NDST2: variants seen among roughly 807,000 people sequenced by gnomAD.
The protein encoded by NDST2 is N-deacetylase and N-sulfotransferase 2.
Under a neutral mutation model 86.9 loss-of-function variants are expected in NDST2, and 32 were observed. The ratio of observed to expected loss-of-function variants is 0.37; its 90% CI spans 0.28 to 0.49. The LOEUF (loss-of-function observed/expected upper bound fraction) is 0.49, where lower values mean the gene tolerates loss of function less well. Among genes scored for constraint, NDST2 ranks in the 20% least tolerant of loss-of-function variants. The probability of loss-of-function intolerance (pLI) is 0.97; values close to 1 mark genes in which losing one functional copy is unlikely to be tolerated. For synonymous variants in NDST2, 409 were observed against 437.0 expected (o/e 0.94, Z 0.80); for missense variants, 950 against 1,146.9 (o/e 0.83, Z 2.48).
intron 1 of NDST2, 86 bp from the exon 2 acceptor site, chr10:73,810,989 C>G (rs937315413): frequency 2.1e-5 from 8 of 389,992 alleles, no homozygotes; most frequent in African/African-American, 1.7e-4. Context: ...CAGGGCTGGG[C>G]GGGGTGGGTG....
intron 3 of NDST2, 63 bp downstream of exon 3, chr10:73,807,321 G>A (rs2084120641): frequency 1.3e-6 from 2 of 1,588,762 alleles, no homozygotes; most frequent in Non-Finnish European, 8.6e-7. Context: ...AATCAAGGAA[G>A]GGAGTCTGAC....
In NDST2 at chr10:73,802,527, G is replaced by C. The variant is rs759577370; in HGVS notation, c.2576C>G (p.Ser859Trp). 2.5e-6 allele frequency: 4 copies of C among 1,614,090 alleles called. No individual in the cohort carries two copies. The highest frequency in any genetic ancestry group is 3.4e-6 in the Non-Finnish European group (4 of 1,180,036). ...DFFRNHNLEL[S>W]KLLSRLGQPV... ...CTGTCCAAGCCGGCTCAGCAGCTTCGACAACTCCAAATTATGGTTCCGGAA... is the reference window on the plus strand; with the variant it reads ...CTGTCCAAGCCGGCTCAGCAGCTTCCACAACTCCAAATTATGGTTCCGGAA... Residue 859 changes from serine to tryptophan, a missense_variant, in exon 15 of 15, where the codon TCG becomes TGG. Transcript: ENST00000309979.
At chr10:73,802,844 G>A in intron 13 of NDST2, 68 bp from the exon 14 acceptor site, 3 of 1,508,468 alleles carry the variant, frequency 2.0e-6, no homozygotes, top group Non-Finnish European at 2.8e-6. Context: ...AATGCACAAT[G>A]CCCTTCCCTG....
rs1407153082 is a variant in NDST2 at position 73,808,454 on chromosome 10, G to A, written c.-66C>T. ...GGGGATGGGAGGTAGGAGTTCTATA[G>A]GCTAGGACTGTCTTGGAAGGGTAGA... On this transcript the variant is annotated 5_prime_UTR_variant, in exon 3 of 15. Transcript: ENST00000309979. This position sits in a 1 kb window ranked among gnomAD's most constrained non-coding sequence, Gnocchi z 4.3. 1.4e-6 allele frequency: 2 copies of A among 1,430,026 alleles called. No individual in the cohort carries two copies. Among genetic ancestry groups the A allele is most frequent in the East Asian group, 4.9e-5 (2 of 40,582 alleles). 88.6% of individuals were successfully genotyped at this position (1,430,026 alleles called of 1,614,324 possible). A position where few individuals can be genotyped will look rare whatever the true frequency, so the allele number is the denominator to read the frequency against.
intron 2 of NDST2, 75 bp downstream of exon 2, chr10:73,810,723 GC>G: frequency 2.5e-6 from 1 of 397,820 alleles, no homozygotes; most frequent in Non-Finnish European, 4.4e-6. Context: ...CTTCACACCA[GC>G]CCTAAGAGGT....
rs764806504 is a variant in NDST2 at position 73,802,463 on chromosome 10, G to A, written c.2640C>T (p.Ser880=). Reference sequence around the variant, plus strand: ...GGAGGCTGGGACATCAGCCCAGACTGGAATGCTGCAGTTCTTCCCGAAGCC... The same window carrying A: ...GGAGGCTGGGACATCAGCCCAGACTAGAATGCTGCAGTTCTTCCCGAAGCC... ...PSWLREELQH[S]SLG Residue 880 remains serine, a synonymous_variant, in exon 15 of 15, where the codon TCC becomes TCT. Coordinates refer to ENST00000309979, the MANE Select transcript of NDST2 (RefSeq NM_003635.4). 9.3e-6 allele frequency: 15 copies of A among 1,613,032 alleles called. No homozygotes were observed. The highest frequency in any genetic ancestry group is 1.3e-5 in the Non-Finnish European group (15 of 1,180,030).
chr10:73,806,525 A>G lies in NDST2; in HGVS notation c.1249-51T>C. 2 of 1,548,712 alleles carry G rather than the reference A, an allele frequency of 1.3e-6. No individual in the cohort carries two copies. Among genetic ancestry groups the G allele is most frequent in the Middle Eastern group, 1.7e-4 (1 of 5,744 alleles). On this transcript the variant is annotated intron_variant, in intron 5 of 14. Coordinates refer to ENST00000309979, the MANE Select transcript of NDST2 (RefSeq NM_003635.4). The surrounding 1 kb of genome is among the most constrained non-coding windows in gnomAD (Gnocchi z 4.5). ...GGACCTGGTGAGGTTTGGGGAGTAG[A>G]GGGTAAAGAGGGTGGGGAAGCCTCC...
At chr10:73,809,496 ACTT>A (rs1361147237) in intron 2 of NDST2, among the ~76,000 whole-genome samples, 4 of 152,144 alleles carry the variant, frequency 2.6e-5, no homozygotes, top group African/African-American at 7.2e-5. Flanking sequence ...AGTCCACTCT[ACTT>A]CTCCTTCCTA....
Position 73,808,020 on chromosome 10 carries a change from G to A in NDST2, c.369C>T (p.Asp123=), listed in dbSNP as rs189934329. The change falls in exon 3 of 15, where the codon GAC becomes GAT. Residue 123 remains aspartate (D), a synonymous_variant. Coordinates refer to ENST00000309979, the MANE Select transcript of NDST2 (RefSeq NM_003635.4). The surrounding 1 kb of genome is among the most constrained non-coding windows in gnomAD (Gnocchi z 4.3). ...YSTELAPGRG[D]MPTLTDNTHG... ...GGGTATTATCAGTCAATGTGGGCATGTCCCCTCGGCCAGGTGCCAACTCAG... is the reference window on the plus strand; with the variant it reads ...GGGTATTATCAGTCAATGTGGGCATATCCCCTCGGCCAGGTGCCAACTCAG... The A allele has an allele frequency of 1.2e-6, 2 of 1,614,250 alleles. No individual in the cohort carries two copies. The highest frequency in any genetic ancestry group is 3.3e-5 in the Admixed American group (2 of 60,036).
chr10:73,802,934 C>G (rs1017734612), intron 13 of NDST2, 38 bp downstream of exon 13: 7 of 1,592,774 alleles, frequency 4.4e-6, no homozygotes, highest in Non-Finnish European at 6.0e-6. Context: ...TTCCCCATTT[C>G]CCATACAGTA....
chr10:73,807,521 T>C lies in NDST2; in HGVS notation c.868A>G (p.Lys290Glu), dbSNP rs1191358893. The C allele has an allele frequency of 3.7e-6, 6 of 1,614,106 alleles. No individual in the cohort carries two copies. The highest frequency in any genetic ancestry group is 5.1e-6 in the Non-Finnish European group (6 of 1,179,996). The change falls in exon 3 of 15, where the codon AAA becomes GAA. Residue 290 changes from lysine to glutamate, a missense_variant. Physicochemically the swap from Lys to Glu is moderately conservative, Grantham distance 56. Around this residue, in one of 5 missense-constraint regions of NDST2, gnomAD observed 586 missense variants for 714.0 expected, o/e 0.82. Transcript: ENST00000309979. ...FGHGLSFWLH[K>E]LIFVDAVAYL... is the part of the protein sequence containing the mutation. ...GCAACAGCATCAACGAAGATAAGTT[T>C]GTGGAGCCAGAAGGAAAGGCCATGT... is the stretch of plus-strand genomic sequence containing the variant.
In NDST2 at chr10:73,803,664, A is replaced by C. The variant is rs1490435096; in HGVS notation, c.2052T>G (p.Val684=). 1.9e-6 allele frequency: 3 copies of C among 1,614,004 alleles called. No individual in the cohort carries two copies. Among genetic ancestry groups the C allele is most frequent in the East Asian group, 4.5e-5 (2 of 44,896 alleles). Residue 684 remains valine, a synonymous_variant, in exon 11 of 15, where the codon GTT becomes GTG. Transcript: ENST00000309979. ...GGAGGGCAGCCCCCCGCCGTGGTAC[A>C]ACTTCAGAGTCAAAGTAGGTGGCAC... The part of the protein sequence containing the change: ...EKSATYFDSE[V]VPRRGAALLP...
chr10:73,803,517 T>TGGGGGGGGGGGGCGG, intron 11 of NDST2, 57 bp downstream of exon 11: 3 of 1,189,300 alleles, frequency 2.5e-6, no homozygotes, highest in Non-Finnish European at 3.7e-6. Context: ...TAGCAGTCAC[T>TGGGGGGGGGGGGCGG]GTCCCCTCCC....
At chr10:73,810,584 T>C (rs1181775841) in intron 2 of NDST2, 7 of 378,312 alleles carry the variant, frequency 1.9e-5, no homozygotes, top group Non-Finnish European at 3.3e-5. Context: ...AAGAATGTGA[T>C]GCAACTTTAG....
rs751982453 is a variant in NDST2 at position 73,806,458 on chromosome 10, G to T, written c.1265C>A (p.Thr422Lys). Reference protein sequence around the residue: ...KQFALEHGIPTDLGYAVAPHH... With the variant: ...KQFALEHGIPKDLGYAVAPHH... Reference sequence around the variant, plus strand: ...GGGGGCCACAGCATACCCCAGGTCCGTGGGAATCCCATGCTCCTGGGAATG... The same window carrying T: ...GGGGGCCACAGCATACCCCAGGTCCTTGGGAATCCCATGCTCCTGGGAATG... The change falls in exon 6 of 15, where the codon ACG becomes AAG. Residue 422 changes from threonine (T) to lysine (K), a missense_variant. Physicochemically the swap from Thr to Lys is moderately conservative, Grantham distance 78. Coordinates refer to ENST00000309979, the MANE Select transcript of NDST2 (RefSeq NM_003635.4). The surrounding 1 kb of genome is among the most constrained non-coding windows in gnomAD (Gnocchi z 4.5). 1.9e-6 allele frequency: 3 copies of T among 1,593,294 alleles called. No homozygotes were observed. Among genetic ancestry groups the T allele is most frequent in the Non-Finnish European group, 2.6e-6 (3 of 1,167,690 alleles).
At chr10:73,802,806 C>T in intron 13 of NDST2, 30 bp from the exon 14 acceptor site, 1 of 1,602,446 alleles carries the variant, frequency 6.2e-7, no homozygotes, top group Non-Finnish European at 8.5e-7. Flanking sequence ...CATGAGGTGG[C>T]AGGGAAAAGA....
intron 7 of NDST2, 47 bp from the exon 8 acceptor site, chr10:73,805,816 C>T: frequency 6.2e-7 from 1 of 1,613,008 alleles, no homozygotes; most frequent in South Asian, 1.1e-5. Flanking sequence ...TACCCCACCT[C>T]TGAATTAGCC....
Position 73,802,413 on chromosome 10 carries a change from A to C in NDST2, c.*38T>G, listed in dbSNP as rs756206881. 18 of 1,610,886 alleles carry C rather than the reference A, an allele frequency of 1.1e-5. No individual in the cohort carries two copies. Among genetic ancestry groups the C allele is most frequent in the African/African-American group, 5.3e-5 (4 of 74,850 alleles). On this transcript the variant is annotated 3_prime_UTR_variant, in exon 15 of 15. Coordinates refer to ENST00000309979, the MANE Select transcript of NDST2 (RefSeq NM_003635.4). ...CCTGCTCTGGACCTGCCCCTTAGGG[A>C]AGCAGGGGGCATTTTGCTGGTATGG...
Position 73,807,864 on chromosome 10 carries a change from G to A in NDST2, c.525C>T (p.His175=), listed in dbSNP as rs145502403. Reference sequence around the variant, plus strand: ...GCTGGGCGCTCAGTAGGCTGTGCTCGTGGGCTCGGAAAAAGCCAATGATGC... The same window carrying A: ...GCTGGGCGCTCAGTAGGCTGTGCTCATGGGCTCGGAAAAAGCCAATGATGC... The part of the protein sequence containing the change: ...GVGIIGFFRA[H]EHSLLSAQLK... Residue 175 remains histidine (H), a synonymous_variant, in exon 3 of 15, where the codon CAC becomes CAT. Transcript: ENST00000309979. 31 of 1,603,260 alleles carry A rather than the reference G, an allele frequency of 1.9e-5. 1 individual carries two copies. Among genetic ancestry groups the A allele is most frequent in the South Asian group, 1.9e-4 (17 of 88,966 alleles).
Sources: allele counts gnomAD v4.1 joint callset (sites outside exome capture counted in the v4.1 genomes callset), GRCh38; gene constraint gnomAD v4.1.1; regional missense constraint gnomAD v4.1.1; non-coding constraint Gnocchi (gnomAD v3.1); transcripts MANE v1.5; gene names NCBI Gene and HGNC (gene_info 2026-07-23, HGNC 2026-07-21).